The following NF1 variants were observed in gnomAD, a reference collection of about 807,000 sequenced individuals.
NF1 encodes neurofibromin.
NF1 carries 122 observed loss-of-function variants against 325.7 expected under a neutral mutation model. That is an observed-to-expected ratio of 0.37 (90% CI 0.32 to 0.44). NF1 has a LOEUF of 0.44. NF1 is among the 20% of genes least tolerant of loss of function. The pLI, the probability that NF1 is intolerant of heterozygous loss-of-function variation, is 1.00. For synonymous variants in NF1, 1,091 were observed against 1,186.0 expected (o/e 0.92, Z 1.65); for missense variants, 2,140 against 3,415.4 (o/e 0.63, Z 9.31).
chr17:31,157,221 T>G (rs1488882089), intron 2 of NF1, among the ~76,000 whole-genome samples: 1 of 152,128 alleles, frequency 6.6e-6, no homozygotes, highest in Non-Finnish European at 1.5e-5. Context: ...ACTCCTGACA[T>G]TAGGTGATCC....
rs1466737186 is a variant in NF1, at chr17:31,338,744, G to A, written c.6860G>A (p.Ser2287Asn). 6.2e-7 allele frequency: 1 copy of A among 1,613,368 alleles called. No homozygotes were observed. Among genetic ancestry groups the A allele is most frequent in the Non-Finnish European group, 8.5e-7 (1 of 1,179,524 alleles). ...TTAAAAGGACCTGACACTTACAACA[G>A]TCAAGTTCTGATAGAAGCTACAGTA... ...SCLKGPDTYN[S>N]QVLIEATVIA... The change falls in exon 46 of 58, where the codon AGT (serine) becomes AAT (asparagine). Residue 2287 changes from serine (S) to asparagine (N), a missense_variant. Physicochemically the swap from Ser to Asn is conservative, Grantham distance 46. Transcript: ENST00000358273.
intron 46 of NF1, among the ~76,000 whole-genome samples, chr17:31,339,892 C>G (rs981916862): frequency 6.6e-6 from 1 of 152,082 alleles, no homozygotes; most frequent in Non-Finnish European, 1.5e-5. Context: ...AGGGAGAGAG[C>G]TGCACAAGAA....
intron 36 of NF1, among the ~76,000 whole-genome samples, chr17:31,299,865 A>G (rs184560735): frequency 4.0e-4 from 47 of 118,274 alleles, no homozygotes; most frequent in African/African-American, 2.1e-3. Flanking sequence ...AATGTCTCTC[A>G]TCTTGGAGTT....
chr17:31,181,502 C>A lies in NF1; in HGVS notation c.654+13C>A, dbSNP rs2143774947. 1.2e-6 allele frequency: 2 copies of A among 1,611,792 alleles called. No homozygotes were observed. The highest frequency in any genetic ancestry group is 1.7e-6 in the Non-Finnish European group (2 of 1,178,176). On this transcript the variant is annotated intron_variant, in intron 6 of 57. Transcript: ENST00000358273. The stretch of plus-strand genomic sequence containing the variant: ...TAGCCTGGAAAAGGTAAGTTACAAC[C>A]TCTCTGGTATTAAAATTTTGTTTTT...
chr17:31,374,407 CAAAGA>C lies in NF1; in HGVS notation c.*255_*259del. 1 of 524,372 alleles carries C rather than the reference CAAAGA, an allele frequency of 1.9e-6. No individual in the cohort carries two copies. The highest frequency in any genetic ancestry group is 3.4e-6 in the Non-Finnish European group (1 of 290,866). The allele number at this position is 524,372 out of a possible 1,614,324, so 32.5% of individuals were successfully genotyped here. A position where few individuals can be genotyped will look rare whatever the true frequency, so the allele number is the denominator to read the frequency against. ...TATATGTAAGTGTTCAGAACAACTGCAAAGAAAGTGGGAGGTCAGGAAACTTTTAA... is the reference window on the plus strand; with the variant it reads ...TATATGTAAGTGTTCAGAACAACTGCAAGTGGGAGGTCAGGAAACTTTTAA... On this transcript the variant is annotated 3_prime_UTR_variant, in exon 58 of 58. Coordinates refer to ENST00000358273, the MANE Select transcript of NF1 (RefSeq NM_001042492.3).
intron 39 of NF1, among the ~76,000 whole-genome samples, chr17:31,332,105 A>T (rs2069513370): frequency 6.6e-6 from 1 of 152,036 alleles, no homozygotes; most frequent in Non-Finnish European, 1.5e-5. Flanking sequence ...AGCTACTCAA[A>T]AATAAACACA....
At chr17:31,328,591 T>A (rs2151542795) in intron 38 of NF1, among the ~76,000 whole-genome samples, 1 of 152,290 alleles carries the variant, frequency 6.6e-6, no homozygotes, top group East Asian at 1.9e-4. Flanking sequence ...TAGTATTTTC[T>A]TATCTTTTCC....
chr17:31,162,740 G>T (rs1475389025), intron 3 of NF1, among the ~76,000 whole-genome samples: 1 of 152,194 alleles, frequency 6.6e-6, no homozygotes, highest in Non-Finnish European at 1.5e-5. Flanking sequence ...GGTAGTGTCT[G>T]TTTTGGTCAG....
intron 2 of NF1, among the ~76,000 whole-genome samples, chr17:31,158,743 A>G (rs1016505494): frequency 6.6e-5 from 10 of 152,158 alleles, no homozygotes; most frequent in Non-Finnish European, 1.2e-4. Context: ...TAAATCCTAC[A>G]TATTTTTAAA....
chr17:31,304,550 G>A, intron 36 of NF1: 3 of 1,614,126 alleles, frequency 1.9e-6, no homozygotes, highest in Non-Finnish European at 2.5e-6. Flanking sequence ...TTGTCAGATT[G>A]GTTACTTTCC....
In NF1 at chr17:31,163,348, A is replaced by C. The variant is rs769391944; in HGVS notation, c.451A>C (p.Asn151His). 2.5e-5 allele frequency: 41 copies of C among 1,614,030 alleles called. No individual in the cohort carries two copies. The highest frequency in any genetic ancestry group is 3.4e-5 in the Non-Finnish European group (40 of 1,180,028). ...VLFSLSCNNFNAVFSRISTRL... is the reference protein window; with the variant it reads ...VLFSLSCNNFHAVFSRISTRL... ...ATTTTCTCTCAGCTGCAACAACTTCAATGCAGTCTTTAGTCGCATTTCTAC... is the reference window on the plus strand; with the variant it reads ...ATTTTCTCTCAGCTGCAACAACTTCCATGCAGTCTTTAGTCGCATTTCTAC... Residue 151 changes from asparagine to histidine, a missense_variant, in exon 4 of 58, where the codon AAT becomes CAT. By Grantham distance (68) the Asn-to-His change is moderately conservative. Coordinates refer to ENST00000358273, the MANE Select transcript of NF1 (RefSeq NM_001042492.3).
intron 36 of NF1, among the ~76,000 whole-genome samples, chr17:31,281,927 G>A (rs939855237): frequency 3.9e-5 from 6 of 152,016 alleles, no homozygotes; most frequent in African/African-American, 1.5e-4. Context: ...GGATGTGGTG[G>A]TTGATGCCTG....
chr17:31,230,560 A>G (rs889173793), intron 23 of NF1, among the ~76,000 whole-genome samples, 178 bp downstream of exon 23: 15 of 152,138 alleles, frequency 9.9e-5, no homozygotes, highest in African/African-American at 1.9e-4. Context: ...GCCTGTGACA[A>G]TGCTCCCTTT....
intron 36 of NF1, among the ~76,000 whole-genome samples, chr17:31,265,754 A>G (rs1733485158): frequency 6.6e-6 from 1 of 152,182 alleles, no homozygotes; most frequent in South Asian, 2.1e-4. Flanking sequence ...TGTGTAAGAC[A>G]GCATCAGGAT....
At chr17:31,098,457 T>A (rs1431219401) in intron 1 of NF1, among the ~76,000 whole-genome samples, 2 of 152,030 alleles carry the variant, frequency 1.3e-5, no homozygotes, top group Admixed American at 1.3e-4. Context: ...CTCTGCCTCC[T>A]GGGTTCAAGT....
chr17:31,351,667 C>T (rs1321974298), intron 50 of NF1, among the ~76,000 whole-genome samples: 1 of 152,192 alleles, frequency 6.6e-6, no homozygotes, highest in Non-Finnish European at 1.5e-5. Flanking sequence ...CCGCCTGCCT[C>T]GGCCTCCCAA....
At chr17:31,124,757 G>T (rs1914731220) in intron 1 of NF1, among the ~76,000 whole-genome samples, 1 of 151,368 alleles carries the variant, frequency 6.6e-6, no homozygotes, top group Non-Finnish European at 1.5e-5. Flanking sequence ...CTGCCACCAT[G>T]CGGGCTAATT....
At chr17:31,235,441 A>G (rs1000746759) in intron 27 of NF1, among the ~76,000 whole-genome samples, 170 bp from the exon 28 acceptor site, 1 of 152,218 alleles carries the variant, frequency 6.6e-6, no homozygotes, top group Non-Finnish European at 1.5e-5. Context: ...GTCATCTATC[A>G]TAAACAATGT....
At chr17:31,102,379 CAG>C (rs1401571100) in intron 1 of NF1, among the ~76,000 whole-genome samples, 2 of 151,936 alleles carry the variant, frequency 1.3e-5, no homozygotes, top group African/African-American at 2.4e-5. Flanking sequence ...GTGTGTGTGA[CAG>C]AGTCTTGCTC....
Sources: gnomAD v4.1 joint callset for allele counts (sites outside exome capture counted in the v4.1 genomes callset) on GRCh38, gnomAD v4.1.1 for gene constraint, MANE v1.5 for transcripts, NCBI Gene and HGNC (gene_info 2026-07-23, HGNC 2026-07-21) for gene names.